P2RY12: variants seen among roughly 807,000 people sequenced by gnomAD.
P2RY12 encodes purinergic receptor P2Y12.
A neutral mutation model predicts 4.5 loss-of-function variants in P2RY12; 3 were observed. The observed-to-expected ratio is 0.67, with a 90% CI of 0.31 to 1.74. P2RY12 has a LOEUF of 1.74. Among genes scored for constraint, P2RY12 ranks in the 40% most tolerant of loss-of-function variants. The probability of loss-of-function intolerance (pLI) is 0.09; values close to 1 mark genes in which losing one functional copy is unlikely to be tolerated. For synonymous variants in P2RY12, 148 were observed against 154.1 expected, an observed-to-expected ratio of 0.96 and a Z score of 0.29; for missense variants, 356 against 407.8, an observed-to-expected ratio of 0.87 and a Z score of 1.09.
intron 1 of P2RY12, among the ~76,000 whole-genome samples, chr3:151,346,722 G>A (rs924701114): frequency 2.0e-5 from 3 of 151,964 alleles, no homozygotes; most frequent in Non-Finnish European, 4.4e-5. Flanking sequence ...AGCTCTCTTA[G>A]CCCTTCTTCC....
chr3:151,362,618 C>T (rs915454454), intron 1 of P2RY12, among the ~76,000 whole-genome samples: 10 of 152,052 alleles, frequency 6.6e-5, no homozygotes, highest in African/African-American at 2.2e-4. Flanking sequence ...CCTGGCTCCT[C>T]CTTAGAATGT....
In P2RY12 at chr3:151,375,972, T is replaced by TATATATATATA. The variant is rs199649596; in HGVS notation, c.-180+8719_-180+8720insTATATATATAT. 295 of 900,420 alleles carry TATATATATATA rather than the reference T, an allele frequency of 3.3e-4. 2 individuals carry two copies. The African/African-American group carries it at 4.5e-3, about 14-fold the overall frequency. 55.8% of individuals were successfully genotyped at this position (900,420 alleles called of 1,614,324 possible). A position where few individuals can be genotyped will look rare whatever the true frequency, so the allele number is the denominator to read the frequency against. On this transcript the variant is annotated intron_variant, in intron 1 of 2. Transcript: ENST00000302632. The stretch of plus-strand genomic sequence containing the variant: ...CACTGTGGATTTAGTACATATTGCA[T>TATATATATATA]ATATATATACCGAAAGCCAGTGCCT...
chr3:151,369,282 A>T (rs1479890525), intron 1 of P2RY12, among the ~76,000 whole-genome samples: 1 of 152,228 alleles, frequency 6.6e-6, no homozygotes, highest in Non-Finnish European at 1.5e-5. Flanking sequence ...AATACTGGCC[A>T]TGTTTCTTAG....
chr3:151,356,403 A>G (rs1402182353), intron 1 of P2RY12, among the ~76,000 whole-genome samples: 1 of 152,130 alleles, frequency 6.6e-6, no homozygotes, highest in East Asian at 1.9e-4. Flanking sequence ...AAAATAAATA[A>G]ATAAATAAAA....
At chr3:151,339,782 AG>A (rs1218980154) in intron 2 of P2RY12, among the ~76,000 whole-genome samples, 2 of 64,608 alleles carry the variant, frequency 3.1e-5, no homozygotes, top group East Asian at 8.7e-4. Flanking sequence ...CACAATAGGC[AG>A]CTATAATGAA....
chr3:151,370,931 A>G (rs749472019), intron 1 of P2RY12, among the ~76,000 whole-genome samples: 1 of 152,202 alleles, frequency 6.6e-6, no homozygotes, highest in Non-Finnish European at 1.5e-5. Context: ...CATAATTTGG[A>G]GGATTCCCTG....
intron 1 of P2RY12, chr3:151,384,250 C>G (rs778808719): frequency 6.4e-7 from 1 of 1,565,374 alleles, no homozygotes; most frequent in Admixed American, 2.0e-5. Context: ...ATTATGAGCT[C>G]AAGTTGTTTA....
At chr3:151,353,820 CT>C (rs1753548941) in intron 1 of P2RY12, among the ~76,000 whole-genome samples, 2 of 152,158 alleles carry the variant, frequency 1.3e-5, no homozygotes, top group East Asian at 3.9e-4. Flanking sequence ...GAGTAGAACT[CT>C]TGTCTTGGTA....
chr3:151,369,317 G>A (rs1755888674), intron 1 of P2RY12: 1 of 573,614 alleles, frequency 1.7e-6, no homozygotes, highest in South Asian at 2.9e-5. Context: ...ATCAATTAAA[G>A]CAAGCTAATG....
chr3:151,372,763 A>G (rs1413361534), intron 1 of P2RY12: 1 of 1,611,530 alleles, frequency 6.2e-7, no homozygotes, highest in African/African-American at 1.3e-5. Flanking sequence ...CTATCTGTCA[A>G]CAGGTATTCT....
chr3:151,346,628 G>C (rs1225680072), intron 1 of P2RY12, among the ~76,000 whole-genome samples: 1 of 152,118 alleles, frequency 6.6e-6, no homozygotes, highest in Admixed American at 6.5e-5. Flanking sequence ...CCCCTGACTT[G>C]TGTGACCCTG....
At chr3:151,360,480 T>C in intron 1 of P2RY12, 2 of 1,612,162 alleles carry the variant, frequency 1.2e-6, no homozygotes, top group Non-Finnish European at 1.7e-6. Flanking sequence ...TCAGGTTGTG[T>C]GGTGTGGTCA....
At chr3:151,369,400 G>A (rs1450693715) in intron 1 of P2RY12, 5 of 1,350,004 alleles carry the variant, frequency 3.7e-6, no homozygotes, top group Non-Finnish European at 5.2e-6. Context: ...TACTAATGAT[G>A]GTAATGAGAC....
chr3:151,339,451 C>CT (rs1751503184), intron 2 of P2RY12, among the ~76,000 whole-genome samples: 1 of 147,674 alleles, frequency 6.8e-6, no homozygotes, highest in Non-Finnish European at 1.5e-5. Flanking sequence ...AAAAGCTGAC[C>CT]TTTTTTCTTT....
intron 1 of P2RY12, among the ~76,000 whole-genome samples, chr3:151,343,827 A>G (rs892541135): frequency 6.6e-6 from 1 of 152,146 alleles, no homozygotes; most frequent in African/African-American, 2.4e-5. Context: ...AAATGGGATT[A>G]CTCTGAAACC....
intron 1 of P2RY12, chr3:151,349,919 G>T: frequency 1.7e-6 from 1 of 582,358 alleles, no homozygotes; most frequent in Non-Finnish European, 2.9e-6. Context: ...GCCAGTGGAG[G>T]TTGAGGTGAA....
chr3:151,375,941 A>G (rs556062100), intron 1 of P2RY12: 7 of 640,060 alleles, frequency 1.1e-5, no homozygotes, highest in South Asian at 5.6e-5. Context: ...TTTCTATTCA[A>G]TTATGCACTG....
chr3:151,378,606 C>T (rs940892429), intron 1 of P2RY12, among the ~76,000 whole-genome samples: 7 of 151,890 alleles, frequency 4.6e-5, no homozygotes, highest in Non-Finnish European at 8.8e-5. Flanking sequence ...GGCTCCTGTT[C>T]TAGACTAGAC....
chr3:151,354,140 CAAA>C (rs63033360), intron 1 of P2RY12, among the ~76,000 whole-genome samples: 3 of 62,840 alleles, frequency 4.8e-5, no homozygotes, highest in South Asian at 7.6e-4. Flanking sequence ...GACTCCGTCT[CAAA>C]AAAAAAAAAA....
Sources: gnomAD v4.1 joint callset for allele counts (sites outside exome capture counted in the v4.1 genomes callset) on GRCh38, gnomAD v4.1.1 for gene constraint, MANE v1.5 for transcripts, NCBI Gene and HGNC (gene_info 2026-07-23, HGNC 2026-07-21) for gene names.